Variants in TBC1D22A observed in about 807,000 individuals in gnomAD.
TBC1D22A encodes the protein TBC1 domain family member 22A.
In TBC1D22A, 38 loss-of-function variants were observed where a neutral mutation model predicts 60.2. That is an observed-to-expected ratio of 0.63 (90% CI 0.49 to 0.83). The LOEUF is 0.83. TBC1D22A is among the 40% of genes least tolerant of loss of function. The pLI is 0.00. For missense variants in TBC1D22A, 628 were observed against 701.0 expected, an observed-to-expected ratio of 0.90 and a Z score of 1.18; for synonymous variants, 302 against 281.7, an observed-to-expected ratio of 1.07 and a Z score of -0.72.
At chr22:47,125,209 C>T (rs764983071) in intron 12 of TBC1D22A, among the ~76,000 whole-genome samples, 2 of 152,150 alleles carry the variant, frequency 1.3e-5, no homozygotes, top group Non-Finnish European at 1.5e-5. Context: ...CCAAATGCAC[C>T]CCCCTGGGTT....
intron 4 of TBC1D22A, among the ~76,000 whole-genome samples, chr22:46,818,972 G>C (rs1191118922): frequency 2.0e-5 from 3 of 152,012 alleles, no homozygotes; most frequent in African/African-American, 7.3e-5. Flanking sequence ...TGTATTCCTT[G>C]GTATTTTATT....
At chr22:46,811,610 G>A (rs1430563163) in intron 4 of TBC1D22A, among the ~76,000 whole-genome samples, 1 of 152,206 alleles carries the variant, frequency 6.6e-6, no homozygotes, top group Non-Finnish European at 1.5e-5. Flanking sequence ...TGCGTGCTGA[G>A]CGCGTTGTGT....
intron 1 of TBC1D22A, among the ~76,000 whole-genome samples, chr22:46,770,352 G>A (rs1457652115): frequency 1.3e-5 from 2 of 152,262 alleles, no homozygotes; most frequent in Non-Finnish European, 1.5e-5. Context: ...CGAGCCTCCC[G>A]GAAGGGGCAC....
At chr22:47,077,925 C>A (rs576567221) in intron 11 of TBC1D22A, among the ~76,000 whole-genome samples, 1 of 152,210 alleles carries the variant, frequency 6.6e-6, no homozygotes, top group African/African-American at 2.4e-5. Flanking sequence ...TACTCAGTAC[C>A]TCACGGTTTT....
At position 46,850,175 on chromosome 22, in the gene TBC1D22A, G is replaced by A. The variant is rs556934026; in HGVS notation, c.638-28478G>A. ...CTTACAGGTCAGCAGAGATGGAGAC[G>A]AGTGCTGAGGGGCACGCAGGAGGGC... On this transcript the variant is annotated intron_variant, in intron 4 of 12. Transcript: ENST00000337137. 2.6e-5 allele frequency among the ~76,000 whole-genome samples: 4 copies of A among 152,288 alleles called. No homozygotes were observed. The South Asian group carries it at 8.3e-4, about 32-fold the overall frequency.
rs940363020 is a variant in TBC1D22A, at chr22:46,986,863, G to A, written c.1126-10771G>A. Among the ~76,000 whole-genome samples, 3 of 152,192 alleles carry A rather than the reference G, an allele frequency of 2.0e-5. No homozygotes were observed. The South Asian group carries it at 6.2e-4, about 32-fold the overall frequency. On this transcript the variant is annotated intron_variant, in intron 9 of 12. Transcript: ENST00000337137. ...GTCAGGATCTCTGTCAGGGCATGGT[G>A]TGGACGGCTGATTTGCGCACCATGA...
At chr22:46,895,264 C>G (rs998494886) in intron 7 of TBC1D22A, among the ~76,000 whole-genome samples, 8 of 151,836 alleles carry the variant, frequency 5.3e-5, no homozygotes, top group Non-Finnish European at 1.0e-4. Context: ...GTTTACGATT[C>G]TTTGTGACTT....
At chr22:47,052,606 C>T (rs1388608208) in intron 11 of TBC1D22A, among the ~76,000 whole-genome samples, 1 of 152,176 alleles carries the variant, frequency 6.6e-6, no homozygotes, top group Non-Finnish European at 1.5e-5. Context: ...CAAGCTTCTC[C>T]GGGGATGGCC....
chr22:46,874,335 C>T (rs890024201), intron 4 of TBC1D22A, among the ~76,000 whole-genome samples: 1 of 151,968 alleles, frequency 6.6e-6, no homozygotes, highest in Admixed American at 6.6e-5. Context: ...GTATTTCTGT[C>T]TCTAGGTCTT....
At chr22:47,127,879 C>A (rs1348398472) in intron 12 of TBC1D22A, among the ~76,000 whole-genome samples, 5 of 151,000 alleles carry the variant, frequency 3.3e-5, no homozygotes, top group Non-Finnish European at 7.4e-5. Flanking sequence ...CCTGAGCCAT[C>A]CTGGCCCAGC....
intron 11 of TBC1D22A, among the ~76,000 whole-genome samples, chr22:47,110,655 G>A (rs1437868646): frequency 2.0e-5 from 3 of 152,156 alleles, no homozygotes; most frequent in Non-Finnish European, 4.4e-5. Context: ...ACCATCTAAT[G>A]CACTGTGCAT....
intron 4 of TBC1D22A, among the ~76,000 whole-genome samples, chr22:46,862,570 C>G (rs1254933336): frequency 6.6e-6 from 1 of 152,348 alleles, no homozygotes; most frequent in Non-Finnish European, 1.5e-5. Flanking sequence ...CACTGCTGTT[C>G]AGCCCCGGGA....
chr22:46,784,449 T>TTGTA (rs1257938192), intron 1 of TBC1D22A, among the ~76,000 whole-genome samples: 1 of 152,244 alleles, frequency 6.6e-6, no homozygotes, highest in African/African-American at 2.4e-5. Flanking sequence ...ATATCTTTAG[T>TTGTA]TGTAGTCTGC....
At chr22:47,134,099 GTC>G (rs2066774741) in intron 12 of TBC1D22A, among the ~76,000 whole-genome samples, 1 of 152,168 alleles carries the variant, frequency 6.6e-6, no homozygotes, top group African/African-American at 2.4e-5. Context: ...CTTTGCTGGC[GTC>G]TCTTCCCTTG....
intron 8 of TBC1D22A, among the ~76,000 whole-genome samples, chr22:46,973,264 C>A (rs1342987121): frequency 1.3e-5 from 2 of 152,324 alleles, no homozygotes; most frequent in Admixed American, 6.5e-5. Context: ...CACCCCCCTC[C>A]CCATGTGTAC....
rs1485172253 is a variant in TBC1D22A at position 46,777,961 on chromosome 22, A to G, written c.63-14559A>G. On this transcript the variant is annotated intron_variant, in intron 1 of 12. Coordinates refer to ENST00000337137, the MANE Select transcript of TBC1D22A (RefSeq NM_014346.5). This position sits in a 1 kb window ranked among gnomAD's most constrained non-coding sequence, Gnocchi z 4.5. ...CGGCACCGTCTGTTGCTCTGAGGCT[A>G]TGTGCCTGTACAGCATGGTACTGTT... 2.0e-5 allele frequency among the ~76,000 whole-genome samples: 3 copies of G among 152,234 alleles called. No homozygotes were observed. Among genetic ancestry groups the G allele is most frequent in the Admixed American group, 6.5e-5 (1 of 15,284 alleles).
chr22:47,058,912 C>T (rs74558693), intron 11 of TBC1D22A, among the ~76,000 whole-genome samples: 1 of 152,104 alleles, frequency 6.6e-6, no homozygotes, highest in African/African-American at 2.4e-5. Context: ...GTGGTGGGGC[C>T]CTGGGGAACC....
chr22:47,127,487 A>T (rs945312755), intron 12 of TBC1D22A, among the ~76,000 whole-genome samples: 1 of 150,462 alleles, frequency 6.6e-6, no homozygotes, highest in Non-Finnish European at 1.5e-5. Context: ...GGCTTCCCCA[A>T]GTGCCGGGAT....
chr22:46,778,319 G>GT (rs991118935), intron 1 of TBC1D22A, among the ~76,000 whole-genome samples: 1 of 151,788 alleles, frequency 6.6e-6, no homozygotes, highest in African/African-American at 2.4e-5. Flanking sequence ...CTTCATAAAC[G>GT]TTTTGATTTT....
Sources: gnomAD v4.1 joint callset for allele counts (sites outside exome capture counted in the v4.1 genomes callset) on GRCh38, gnomAD v4.1.1 for gene constraint, Gnocchi (gnomAD v3.1) non-coding constraint, MANE v1.5 for transcripts, NCBI Gene and HGNC (gene_info 2026-07-23, HGNC 2026-07-21) for gene names.